CACNA1D: variants seen among roughly 807,000 people sequenced by gnomAD.
CACNA1D encodes calcium voltage-gated channel subunit alpha1 D.
A neutral mutation model predicts 257.1 loss-of-function variants in CACNA1D; 55 were observed. That is an observed-to-expected ratio of 0.21 (90% CI 0.17 to 0.27). The LOEUF is 0.27. Ranked by LOEUF, CACNA1D falls within the 10% of genes least tolerant of loss-of-function variation. CACNA1D has a pLI of 1.00. For missense variants in CACNA1D, 1,876 were observed against 2,784.0 expected (o/e 0.67, Z 7.34); for synonymous variants, 980 against 1,014.9 (o/e 0.97, Z 0.65).
At chr3:53,755,271 T>C (rs909191406) in intron 29 of CACNA1D, among the ~76,000 whole-genome samples, 7 of 152,212 alleles carry the variant, frequency 4.6e-5, no homozygotes, top group African/African-American at 7.2e-5. Flanking sequence ...TCTGAAGTTT[T>C]TGAAAGCTTG....
At chr3:53,759,664 G>A (rs768936096) in intron 29 of CACNA1D, among the ~76,000 whole-genome samples, 2 of 152,236 alleles carry the variant, frequency 1.3e-5, no homozygotes, top group Non-Finnish European at 2.9e-5. Context: ...AAAAGGGCAG[G>A]CTCTGCCCCT....
intron 40 of CACNA1D, among the ~76,000 whole-genome samples, chr3:53,796,572 A>T (rs911772623): frequency 6.6e-6 from 1 of 152,232 alleles, no homozygotes; most frequent in Admixed American, 6.5e-5. Context: ...GGAGAAAGAA[A>T]GGTAAATGGG....
chr3:53,792,993 C>T (rs1339765509), intron 40 of CACNA1D, among the ~76,000 whole-genome samples: 3 of 152,234 alleles, frequency 2.0e-5, no homozygotes, highest in Non-Finnish European at 4.4e-5. Flanking sequence ...TTGACTGCTT[C>T]GTGCTGCACC....
intron 45 of CACNA1D, 176 bp from the exon 46 acceptor site, chr3:53,808,473 G>A: frequency 1.4e-6 from 1 of 696,278 alleles, no homozygotes; most frequent in Non-Finnish European, 2.5e-6. Context: ...TGGGGCTTCT[G>A]CCTTCATCCT....
chr3:53,507,085 A>AAC (rs911960367), intron 3 of CACNA1D, among the ~76,000 whole-genome samples: 14 of 151,116 alleles, frequency 9.3e-5, no homozygotes, highest in Admixed American at 1.3e-4. Context: ...AAAAAAAAAA[A>AAC]AAAAAAAACA....
At chr3:53,769,683 T>A (rs527958702) in intron 30 of CACNA1D, among the ~76,000 whole-genome samples, 1 of 152,336 alleles carries the variant, frequency 6.6e-6, no homozygotes, top group Admixed American at 6.5e-5. Context: ...GGGGGCACAC[T>A]CTGCATCTGT....
At chr3:53,756,427 C>T (rs1243456619) in intron 29 of CACNA1D, among the ~76,000 whole-genome samples, 1 of 152,162 alleles carries the variant, frequency 6.6e-6, no homozygotes, top group South Asian at 2.1e-4. Context: ...CATCTCACCT[C>T]AGGGGAGGAG....
At chr3:53,743,649 C>T (rs2095138576) in intron 22 of CACNA1D, among the ~76,000 whole-genome samples, 1 of 152,232 alleles carries the variant, frequency 6.6e-6, no homozygotes, top group Non-Finnish European at 1.5e-5. Flanking sequence ...TTTTCCATGG[C>T]ATTTAGCGAT....
chr3:53,802,228 T>A, intron 43 of CACNA1D, 55 bp downstream of exon 43: 2 of 1,368,378 alleles, frequency 1.5e-6, no homozygotes, highest in Non-Finnish European at 2.1e-6. Context: ...TGTTACCAGC[T>A]GGCCTCTCTG....
chr3:53,680,503 G>A (rs1280585401), intron 8 of CACNA1D, among the ~76,000 whole-genome samples: 2 of 152,178 alleles, frequency 1.3e-5, no homozygotes, highest in African/African-American at 4.8e-5. Flanking sequence ...GCTCTGGGTT[G>A]TTGATGTGCA....
chr3:53,725,034 G>A (rs1163843918), intron 14 of CACNA1D, among the ~76,000 whole-genome samples: 1 of 141,618 alleles, frequency 7.1e-6, no homozygotes, highest in Admixed American at 7.2e-5. Context: ...GCATGCATAT[G>A]GCACAAAATT....
intron 14 of CACNA1D, among the ~76,000 whole-genome samples, chr3:53,724,762 A>G (rs926810010): frequency 3.3e-5 from 5 of 152,236 alleles, no homozygotes; most frequent in East Asian, 1.9e-4. Context: ...GGCAGCAGAC[A>G]GCTGGGTCCT....
At chr3:53,794,649 T>A (rs1415214616) in intron 40 of CACNA1D, among the ~76,000 whole-genome samples, 1 of 152,214 alleles carries the variant, frequency 6.6e-6, no homozygotes, top group Non-Finnish European at 1.5e-5. Flanking sequence ...TGAAGACCCT[T>A]GTGTGTCAAT....
chr3:53,504,140 A>C (rs994066742), intron 3 of CACNA1D, among the ~76,000 whole-genome samples: 2 of 152,160 alleles, frequency 1.3e-5, no homozygotes, highest in Admixed American at 1.3e-4. Context: ...CAGCTGAACG[A>C]AACTTATTTT....
At chr3:53,623,457 C>A (rs1247499702) in intron 3 of CACNA1D, among the ~76,000 whole-genome samples, 1 of 152,110 alleles carries the variant, frequency 6.6e-6, no homozygotes, top group South Asian at 2.1e-4. Context: ...ATCCTAGTTG[C>A]ACAATTTAGG....
intron 3 of CACNA1D, among the ~76,000 whole-genome samples, chr3:53,640,278 T>C (rs2093935887): frequency 6.6e-6 from 1 of 152,176 alleles, no homozygotes; most frequent in South Asian, 2.1e-4. Context: ...CACATTCCCA[T>C]TGCCATCCAA....
Position 53,666,493 on chromosome 3 carries a change from T to C in CACNA1D, c.1074T>C (p.Phe358=), listed in dbSNP as rs1375731392. The C allele has an allele frequency of 2.5e-6, 4 of 1,614,198 alleles. No individual in the cohort carries two copies. The highest frequency in any genetic ancestry group is 3.4e-6 in the Non-Finnish European group (4 of 1,180,012). Residue 358 remains phenylalanine, a synonymous_variant, in exon 7 of 48, where the codon TTT becomes TTC. Transcript: ENST00000350061. ...TTGCCTTTGCCATGCTTACTGTGTT[T>C]CAGTGCATCACCATGGAGGGCTGGA... ...DNFAFAMLTV[F]QCITMEGWTD... is the part of the protein sequence containing the mutation.
intron 9 of CACNA1D, among the ~76,000 whole-genome samples, chr3:53,709,675 AT>A (rs2094728961): frequency 6.6e-6 from 1 of 152,190 alleles, no homozygotes; most frequent in East Asian, 1.9e-4. Flanking sequence ...GCTTAGAGTG[AT>A]CATGGAATCA....
intron 3 of CACNA1D, among the ~76,000 whole-genome samples, chr3:53,643,980 C>T (rs1251970707): frequency 6.6e-6 from 1 of 152,100 alleles, no homozygotes; most frequent in Admixed American, 6.5e-5. Context: ...AACCAGGGGG[C>T]GCTGGTATCA....
Sources: gnomAD v4.1 joint callset for allele counts (sites outside exome capture counted in the v4.1 genomes callset) on GRCh38, gnomAD v4.1.1 for gene constraint, MANE v1.5 for transcripts, NCBI Gene and HGNC (gene_info 2026-07-23, HGNC 2026-07-21) for gene names.